The following ANOS1 variants were observed in gnomAD, a reference collection of about 807,000 sequenced individuals.
The protein encoded by ANOS1 is anosmin-1.
In ANOS1, 6 loss-of-function variants were observed where a neutral mutation model predicts 59.0. The ratio of observed to expected loss-of-function variants is 0.10; its 90% CI spans 0.06 to 0.20. ANOS1 has a LOEUF of 0.20. ANOS1 is among the 10% of genes least tolerant of loss of function. ANOS1 has a pLI of 1.00. For synonymous variants in ANOS1, 217 were observed against 223.4 expected (o/e 0.97, Z 0.25); for missense variants, 433 against 542.3 (o/e 0.80, Z 2.00).
intron 2 of ANOS1, among the ~76,000 whole-genome samples, chrX:8,662,446 C>T (rs900387708): frequency 3.6e-5 from 4 of 111,604 alleles, no homozygotes; most frequent in Admixed American, 1.9e-4. Flanking sequence ...TTGACTCTGC[C>T]GGTGTAGTGC....
At chrX:8,731,177 A>T (rs977664188) in intron 1 of ANOS1, among the ~76,000 whole-genome samples, 2 of 112,115 alleles carry the variant, frequency 1.8e-5, no homozygotes, top group Non-Finnish European at 3.8e-5. Flanking sequence ...ACGCTAGTCC[A>T]GGGCAAGACC....
intron 2 of ANOS1, among the ~76,000 whole-genome samples, chrX:8,657,467 C>CTTTTTTTTTTT (rs1324799667): frequency 2.4e-5 from 2 of 83,957 alleles, no homozygotes; most frequent in African/African-American, 9.1e-5. Flanking sequence ...ACTGTGCTTG[C>CTTTTTTTTTTT]TTTTTTTTTT....
intron 9 of ANOS1, among the ~76,000 whole-genome samples, chrX:8,546,354 T>C (rs1929771471): frequency 1.8e-5 from 2 of 112,659 alleles, no homozygotes. Context: ...CACTCCCTTC[T>C]ATCATGTGTT....
intron 2 of ANOS1, among the ~76,000 whole-genome samples, chrX:8,646,379 A>G (rs1357795668): frequency 9.0e-6 from 1 of 111,030 alleles, no homozygotes; most frequent in Non-Finnish European, 1.9e-5. Context: ...CACCTGTAGT[A>G]GGCAGATAAA....
intron 2 of ANOS1, among the ~76,000 whole-genome samples, chrX:8,634,813 T>TA (rs930356367): frequency 6.3e-5 from 7 of 111,953 alleles, no homozygotes; most frequent in Non-Finnish European, 1.1e-4. Flanking sequence ...CAGAGAGCAT[T>TA]AAAAAATTTA....
chrX:8,723,113 A>T (rs190024255), intron 1 of ANOS1, among the ~76,000 whole-genome samples: 108 of 112,625 alleles, frequency 9.6e-4, no homozygotes, highest in Admixed American at 1.8e-3. Flanking sequence ...ATTCTAGAAG[A>T]TAACATTGGA....
chrX:8,582,328 C>A (rs1930439916), intron 6 of ANOS1, among the ~76,000 whole-genome samples: 1 of 112,270 alleles, frequency 8.9e-6, no homozygotes, highest in African/African-American at 3.2e-5. Flanking sequence ...AGCCAGCCAG[C>A]CTTTCAACAA....
Position 8,534,345 on chromosome X carries a change from G to A in ANOS1, c.1958C>T (p.Pro653Leu), listed in dbSNP as rs776223554. Residue 653 changes from proline to leucine, a missense_variant, in exon 13 of 14, where the codon CCG (proline) becomes CTG (leucine). Physicochemically the swap from Pro to Leu is moderately conservative, Grantham distance 98 (BLOSUM62 -3). Coordinates refer to ENST00000262648, the MANE Select transcript of ANOS1 (RefSeq NM_000216.4). ...GTGTGCTGAAGAGGGTGGGAGCTCC[G>A]GCGTCCGGAACGTCTTGATGGTGGC... Reference protein sequence around the residue: ...GPATIKTFRTPELPPSSAHRS... With the variant: ...GPATIKTFRTLELPPSSAHRS... 9.0e-5 allele frequency: 109 copies of A among 1,209,587 alleles called. No homozygotes were observed. Among genetic ancestry groups the A allele is most frequent in the Non-Finnish European group, 1.1e-4 (102 of 895,064 alleles).
chrX:8,574,333 A>C (rs1293299668), intron 6 of ANOS1, among the ~76,000 whole-genome samples: 1 of 108,613 alleles, frequency 9.2e-6, no homozygotes, highest in East Asian at 2.9e-4. Context: ...CACCATGATT[A>C]TGCCTTGCTT....
At chrX:8,677,386 T>C (rs1011294086) in intron 2 of ANOS1, among the ~76,000 whole-genome samples, 4 of 112,305 alleles carry the variant, frequency 3.6e-5, no homozygotes, top group African/African-American at 1.3e-4. Context: ...TTGTATTCAA[T>C]TTAAGTAAAT....
At position 8,568,315 on chromosome X, in the gene ANOS1, T is replaced by C. The variant is rs749916139; in HGVS notation, c.1124A>G (p.Gln375Arg). The stretch of plus-strand genomic sequence containing the variant: ...TGTCTGTCCCCAGTACGTTATGGCT[T>C]GCAATTCCACAACATAGTCACAGTC... ...QPDCDYVVEL[Q>R]AITYWGQTRL... The change falls in exon 8 of 14, where the codon CAA becomes CGA. Residue 375 changes from glutamine (Q) to arginine (R), a missense_variant. Physicochemically the swap from Gln to Arg is conservative, Grantham distance 43 (BLOSUM62 1). Transcript: ENST00000262648. 4 of 1,207,247 alleles carry C rather than the reference T, an allele frequency of 3.3e-6. No homozygotes were observed. The highest frequency in any genetic ancestry group is 1.8e-5 in the African/African-American group (1 of 56,995).
chrX:8,591,829 G>C (rs1170683384), intron 4 of ANOS1, among the ~76,000 whole-genome samples: 1 of 112,400 alleles, frequency 8.9e-6, no homozygotes. Flanking sequence ...CAGATGTATA[G>C]ACTGGATCTC....
In ANOS1 at chrX:8,534,351, C is replaced by T. The variant is rs372801066; in HGVS notation, c.1952G>A (p.Arg651Gln). ...GEGPATIKTF[R>Q]TPELPPSSAH... Reference sequence around the variant, plus strand: ...TGAAGAGGGTGGGAGCTCCGGCGTCCGGAACGTCTTGATGGTGGCCGGCCC... The same window carrying T: ...TGAAGAGGGTGGGAGCTCCGGCGTCTGGAACGTCTTGATGGTGGCCGGCCC... The change falls in exon 13 of 14, where the codon CGG becomes CAG. Residue 651 changes from arginine to glutamine, a missense_variant. Coordinates refer to ENST00000262648, the MANE Select transcript of ANOS1 (RefSeq NM_000216.4). 11 of 1,211,568 alleles carry T rather than the reference C, an allele frequency of 9.1e-6. No individual in the cohort carries two copies. Among genetic ancestry groups the T allele is most frequent in the East Asian group, 3.0e-5 (1 of 33,811 alleles).
At position 8,709,597 on chromosome X, in the gene ANOS1, C is replaced by T. The variant is rs764302578; in HGVS notation, c.208-9852G>A. Among the ~76,000 whole-genome samples, 8 of 111,945 alleles carry T rather than the reference C, an allele frequency of 7.1e-5. No homozygotes were observed. In the East Asian group the frequency reaches 2.3e-3, roughly 32 times the overall value. ...GGACATTCTTCACCATGGTTATCTG[C>T]AAAGAGTATGACATGATGCGAATAT... is the stretch of plus-strand genomic sequence containing the variant. On this transcript the variant is annotated intron_variant, in intron 1 of 13. Coordinates refer to ENST00000262648, the MANE Select transcript of ANOS1 (RefSeq NM_000216.4).
intron 1 of ANOS1, among the ~76,000 whole-genome samples, chrX:8,701,576 T>C (rs1465515408): frequency 8.9e-6 from 1 of 112,170 alleles, no homozygotes; most frequent in East Asian, 2.8e-4. Flanking sequence ...AAACACTAAA[T>C]CTGCTTCTGT....
At chrX:8,730,989 C>A (rs1338576362) in intron 1 of ANOS1, among the ~76,000 whole-genome samples, 2 of 111,871 alleles carry the variant, frequency 1.8e-5, no homozygotes, top group African/African-American at 3.2e-5. Context: ...TGGAGCCAAG[C>A]GCGCGGCTCC....
chrX:8,697,812 CT>C, intron 2 of ANOS1, among the ~76,000 whole-genome samples: 1 of 111,785 alleles, frequency 8.9e-6, no homozygotes, highest in Non-Finnish European at 1.9e-5. Flanking sequence ...TATGTCTCTA[CT>C]GGTTTGTTGA....
At chrX:8,708,197 C>A (rs1932790702) in intron 1 of ANOS1, among the ~76,000 whole-genome samples, 1 of 112,061 alleles carries the variant, frequency 8.9e-6, no homozygotes, top group African/African-American at 3.2e-5. Flanking sequence ...GCATTGCAGC[C>A]TGGGTGGCAG....
At chrX:8,535,163 T>G (rs1929567587) in intron 12 of ANOS1, 1 of 129,628 alleles carries the variant, frequency 7.7e-6, no homozygotes, top group Non-Finnish European at 1.5e-5. Flanking sequence ...GGCCAACTCA[T>G]TACAGCCTCG....
Sources: gnomAD v4.1 joint callset for allele counts (sites outside exome capture counted in the v4.1 genomes callset) on GRCh38, gnomAD v4.1.1 for gene constraint, MANE v1.5 for transcripts, NCBI Gene and HGNC (gene_info 2026-07-23, HGNC 2026-07-21) for gene names.